RAB2A: variants seen among roughly 807,000 people sequenced by gnomAD.
RAB2A encodes the protein RAB2A, member RAS oncogene family, also known as ras-related protein Rab-2A.
In RAB2A, 7 loss-of-function variants were observed where a neutral mutation model predicts 32.5. The observed-to-expected ratio is 0.22, with a 90% CI of 0.12 to 0.40. The LOEUF (loss-of-function observed/expected upper bound fraction) is 0.40. Ranked by LOEUF, RAB2A falls within the 10% of genes least tolerant of loss-of-function variation. The pLI, the probability that RAB2A is intolerant of heterozygous loss-of-function variation, is 1.00. For missense variants in RAB2A, 108 were observed against 260.7 expected, an observed-to-expected ratio of 0.41 and a Z score of 4.03; for synonymous variants, 79 against 85.2, an observed-to-expected ratio of 0.93 and a Z score of 0.40.
chr8:60,615,276 G>A (rs1804429798), intron 6 of RAB2A, among the ~76,000 whole-genome samples: 2 of 152,184 alleles, frequency 1.3e-5, no homozygotes, highest in South Asian at 4.1e-4. Flanking sequence ...GCTATTTTAG[G>A]TATTGTGCTA....
chr8:60,582,625 A>G (rs1444810260), intron 3 of RAB2A, among the ~76,000 whole-genome samples: 1 of 152,056 alleles, frequency 6.6e-6, no homozygotes, highest in East Asian at 1.9e-4. Context: ...GGCTCAGATG[A>G]TCCTCCTACC....
chr8:60,608,166 T>G (rs906814301), intron 6 of RAB2A, among the ~76,000 whole-genome samples: 14 of 152,192 alleles, frequency 9.2e-5, no homozygotes, highest in Non-Finnish European at 1.6e-4. Flanking sequence ...AAAAAGTAAT[T>G]GCATGAAAGA....
chr8:60,604,979 G>C (rs1283155561), intron 6 of RAB2A, among the ~76,000 whole-genome samples: 1 of 152,220 alleles, frequency 6.6e-6, no homozygotes, highest in Non-Finnish European at 1.5e-5. Context: ...AGGCCTGGAA[G>C]GCATTTCAGA....
chr8:60,562,025 C>G (rs1808033675), intron 2 of RAB2A, among the ~76,000 whole-genome samples: 1 of 152,216 alleles, frequency 6.6e-6, no homozygotes, highest in African/African-American at 2.4e-5. Flanking sequence ...GCCGTCAAGT[C>G]TTTGCTGCTT....
intron 6 of RAB2A, among the ~76,000 whole-genome samples, chr8:60,599,801 C>CAT (rs1645757458): frequency 1.3e-5 from 2 of 150,622 alleles, no homozygotes; most frequent in African/African-American, 4.9e-5. Flanking sequence ...AAAATATGAA[C>CAT]ATATTTATCT....
At chr8:60,608,481 CCCTCTTCCTCTCCTTCTT>C (rs1281984199) in intron 6 of RAB2A, among the ~76,000 whole-genome samples, 3 of 149,402 alleles carry the variant, frequency 2.0e-5, no homozygotes, top group African/African-American at 7.5e-5. Flanking sequence ...TGCTCCCTCT[CCCTCTTCCTCTCCTTCTT>C]CCTCTCCTTC....
chr8:60,591,688 G>C (rs1803947607), intron 5 of RAB2A, 170 bp from the exon 6 acceptor site: 1 of 463,942 alleles, frequency 2.2e-6, no homozygotes, highest in Non-Finnish European at 4.0e-6. Flanking sequence ...AAACTAGACA[G>C]TGTGTTCTAA....
rs545645070 is a variant in RAB2A, at chr8:60,604,964, G to A, written c.474+12995G>A. ...CAAATGCTAATAGCCATGACAATGG[G>A]GAGAAGGCCTGGAAGGCATTTCAGA... is the stretch of plus-strand genomic sequence containing the variant. On this transcript the variant is annotated intron_variant, in intron 6 of 7. Transcript: ENST00000262646. Among the ~76,000 whole-genome samples, 5 of 152,304 alleles carry A rather than the reference G, an allele frequency of 3.3e-5. No homozygotes were observed. The South Asian group carries it at 1.0e-3, about 32-fold the overall frequency.
chr8:60,562,383 A>G (rs1808037787), intron 2 of RAB2A, among the ~76,000 whole-genome samples: 1 of 152,218 alleles, frequency 6.6e-6, no homozygotes, highest in African/African-American at 2.4e-5. Flanking sequence ...AGGAAGTCCC[A>G]TCTTTTTACC....
chr8:60,610,265 G>T (rs956277490), intron 6 of RAB2A, among the ~76,000 whole-genome samples: 2 of 151,970 alleles, frequency 1.3e-5, no homozygotes, highest in Non-Finnish European at 2.9e-5. Flanking sequence ...CAGGATAGAT[G>T]AATTTCTATG....
rs141339549 is a variant in RAB2A, at chr8:60,596,039, A to C, written c.474+4070A>C. ...AACTGAATGAAAATACAACATACCA[A>C]TTTGTGGAAAATAGCTAAAACAGTG... On this transcript the variant is annotated intron_variant, in intron 6 of 7. Transcript: ENST00000262646. Among the ~76,000 whole-genome samples, 209 of 152,338 alleles carry C rather than the reference A, an allele frequency of 1.4e-3. 7 individuals are homozygous for C. The South Asian group carries it at 0.025, about 18-fold the overall frequency.
chr8:60,615,234 T>C (rs1176527198), intron 6 of RAB2A, among the ~76,000 whole-genome samples: 1 of 152,214 alleles, frequency 6.6e-6, no homozygotes, highest in East Asian at 1.9e-4. Flanking sequence ...CTAAGGGTAA[T>C]TGAGTTTAAC....
At chr8:60,535,342 G>A (rs933545040) in intron 1 of RAB2A, among the ~76,000 whole-genome samples, 6 of 152,206 alleles carry the variant, frequency 3.9e-5, no homozygotes, top group Admixed American at 6.5e-5. Context: ...ATGTAAGCAA[G>A]CATGGTAAAC....
At chr8:60,588,985 T>G (rs1007748708) in intron 5 of RAB2A, among the ~76,000 whole-genome samples, 1 of 152,202 alleles carries the variant, frequency 6.6e-6, no homozygotes, top group African/African-American at 2.4e-5. Context: ...CTGAAGGCCT[T>G]TCTTGGGTAT....
rs543819536 is a variant in RAB2A, at chr8:60,595,820, C to T, written c.474+3851C>T. Among the ~76,000 whole-genome samples, 7 of 152,256 alleles carry T rather than the reference C, an allele frequency of 4.6e-5. No homozygotes were observed. In the South Asian group the frequency reaches 1.2e-3, roughly 27 times the overall value. On this transcript the variant is annotated intron_variant, in intron 6 of 7. Coordinates refer to ENST00000262646, the MANE Select transcript of RAB2A (RefSeq NM_002865.3). ...TCACAGAATATATACCAAGATAGAC[C>T]GTGTCCTGGGCCATAAAATAAACCT...
At chr8:60,561,872 C>T (rs1808030695) in intron 2 of RAB2A, among the ~76,000 whole-genome samples, 1 of 152,154 alleles carries the variant, frequency 6.6e-6, no homozygotes, top group Non-Finnish European at 1.5e-5. Context: ...TCTATTTAGT[C>T]ATCATGTCCT....
intron 6 of RAB2A, among the ~76,000 whole-genome samples, chr8:60,603,152 A>G (rs941040813): frequency 1.1e-4 from 17 of 152,230 alleles, no homozygotes; most frequent in Admixed American, 2.0e-4. Flanking sequence ...CTTGGCACCT[A>G]TGTGTAGAGA....
At chr8:60,618,535 C>A in intron 6 of RAB2A, 45 bp from the exon 7 acceptor site, 1 of 975,212 alleles carries the variant, frequency 1.0e-6, no homozygotes, top group Non-Finnish European at 1.4e-6. Flanking sequence ...TGTTATTTTA[C>A]TGCTTTGGTT....
chr8:60,549,003 G>T (rs550915948), intron 1 of RAB2A, among the ~76,000 whole-genome samples: 106 of 151,632 alleles, frequency 7.0e-4, no homozygotes, highest in Admixed American at 4.0e-3. Context: ...TCCCGGACGG[G>T]GCGGCAGGGC....
Sources: allele counts gnomAD v4.1 joint callset (sites outside exome capture counted in the v4.1 genomes callset), GRCh38; gene constraint gnomAD v4.1.1; transcripts MANE v1.5; gene names NCBI Gene and HGNC (gene_info 2026-07-23, HGNC 2026-07-21).